HFM1: variants seen among roughly 807,000 people sequenced by gnomAD.
HFM1 encodes probable ATP-dependent DNA helicase HFM1.
HFM1 carries 169 observed loss-of-function variants against 192.1 expected under a neutral mutation model. The ratio of observed to expected loss-of-function variants is 0.88; its 90% CI spans 0.78 to 1.00. HFM1 has a LOEUF of 1.00. HFM1 is among the 50% of genes least tolerant of loss of function. The probability of loss-of-function intolerance (pLI) is 0.00; values close to 1 mark genes in which losing one functional copy is unlikely to be tolerated. For missense variants in HFM1, 1,661 were observed against 1,668.0 expected, an observed-to-expected ratio of 1.00 and a Z score of 0.07; for synonymous variants, 525 against 537.8, an observed-to-expected ratio of 0.98 and a Z score of 0.33.
chr1:91,331,263 A>AATTCAGTAATGTTGCAGGATACAACAC, intron 20 of HFM1, among the ~76,000 whole-genome samples: 1 of 152,364 alleles, frequency 6.6e-6, no homozygotes, highest in Admixed American at 6.5e-5. Flanking sequence ...AGAAATAATA[A>AATTCAGTAATGTTGCAGGATACAACAC]ATTCAGTAAT....
chr1:91,323,464 T>C (rs911321052), intron 21 of HFM1, among the ~76,000 whole-genome samples: 2 of 152,154 alleles, frequency 1.3e-5, no homozygotes, highest in African/African-American at 4.8e-5. Flanking sequence ...ATTAACAAGA[T>C]AGAATTTAAA....
chr1:91,295,872 A>G (rs1032200973), intron 30 of HFM1, among the ~76,000 whole-genome samples: 2 of 152,152 alleles, frequency 1.3e-5, no homozygotes, highest in Admixed American at 1.3e-4. Flanking sequence ...CATTTAAATC[A>G]GTCATCTATT....
rs1308792877 is a variant in HFM1, at chr1:91,262,401, G to T, written c.4087-9C>A. On this transcript the variant is annotated splice_polypyrimidine_tract_variant and intron_variant, in intron 37 of 38. Coordinates refer to ENST00000370425, the MANE Select transcript of HFM1 (RefSeq NM_001017975.6). ...CTTTCTTGAAAATGGACCTACATTT[G>T]AGATAAAAAATAACAATCATTGAAA... 4.4e-6 allele frequency: 7 copies of T among 1,580,916 alleles called. No homozygotes were observed. The Admixed American group carries it at 1.3e-4, about 28-fold the overall frequency.
intron 30 of HFM1, among the ~76,000 whole-genome samples, chr1:91,299,915 G>A (rs1226851402): frequency 1.3e-5 from 2 of 152,102 alleles, no homozygotes; most frequent in Non-Finnish European, 2.9e-5. Context: ...GCTAGCAGAA[G>A]TCAAGAAATA....
intron 30 of HFM1, among the ~76,000 whole-genome samples, chr1:91,309,497 T>C (rs761496179): frequency 1.1e-4 from 16 of 152,348 alleles, no homozygotes; most frequent in Admixed American, 3.3e-4. Flanking sequence ...TTCCAAGTGA[T>C]TTTTAAACAC....
intron 13 of HFM1, among the ~76,000 whole-genome samples, chr1:91,370,304 C>T (rs1303275245): frequency 2.6e-5 from 4 of 152,122 alleles, no homozygotes; most frequent in Admixed American, 2.6e-4. Context: ...GAATTTTAGA[C>T]CAATATCCCT....
chr1:91,386,558 ATTG>A (rs1662238780), intron 4 of HFM1, among the ~76,000 whole-genome samples: 1 of 152,220 alleles, frequency 6.6e-6, no homozygotes, highest in African/African-American at 2.4e-5. Context: ...AATAATGTTC[ATTG>A]TTGTTTTAAA....
chr1:91,379,630 G>A (rs1179136898), intron 8 of HFM1, among the ~76,000 whole-genome samples: 1 of 151,326 alleles, frequency 6.6e-6, no homozygotes, highest in Non-Finnish European at 1.5e-5. Context: ...TAGCCAAAAA[G>A]AACTAAAAAT....
chr1:91,340,781 G>A (rs1293614621), intron 20 of HFM1, among the ~76,000 whole-genome samples: 1 of 152,090 alleles, frequency 6.6e-6, no homozygotes, highest in Non-Finnish European at 1.5e-5. Flanking sequence ...AACAAAAAAA[G>A]CAGGGGTTGC....
chr1:91,359,035 T>C (rs1356411353), intron 13 of HFM1, among the ~76,000 whole-genome samples: 1 of 152,148 alleles, frequency 6.6e-6, no homozygotes, highest in African/African-American at 2.4e-5. Context: ...TAGAGTGGCC[T>C]GTTAAAAGCA....
intron 13 of HFM1, among the ~76,000 whole-genome samples, chr1:91,361,531 T>C (rs1391047968): frequency 6.6e-6 from 1 of 152,040 alleles, no homozygotes; most frequent in African/African-American, 2.4e-5. Flanking sequence ...AGCAGACCAA[T>C]AATGAGTTCT....
intron 4 of HFM1, among the ~76,000 whole-genome samples, chr1:91,392,569 G>A (rs570433929): frequency 6.6e-6 from 1 of 152,228 alleles, no homozygotes; most frequent in African/African-American, 2.4e-5. Context: ...ATACAGGGTG[G>A]GGAACATCAC....
At chr1:91,351,133 A>G (rs567346302) in intron 17 of HFM1, among the ~76,000 whole-genome samples, 2 of 152,098 alleles carry the variant, frequency 1.3e-5, no homozygotes, top group African/African-American at 4.8e-5. Context: ...TACTTTCTCC[A>G]AAAGAGAATA....
At position 91,369,917 on chromosome 1, in the gene HFM1, C is replaced by T. The variant is rs181141896; in HGVS notation, c.1685+5441G>A. Among the ~76,000 whole-genome samples the T allele has an allele frequency of 4.1e-3, 626 of 152,098 alleles. 1 individual carries two copies. Among genetic ancestry groups the T allele is most frequent in the African/African-American group, 0.013 (533 of 41,482 alleles). On this transcript the variant is annotated intron_variant, in intron 13 of 38. Coordinates refer to ENST00000370425, the MANE Select transcript of HFM1 (RefSeq NM_001017975.6). ...AAAATGATAAAGGGGATATAGCCAC[C>T]GATCCCACAGAAATACAAACTACCA...
intron 30 of HFM1, among the ~76,000 whole-genome samples, chr1:91,308,317 A>T (rs1358337065): frequency 3.3e-5 from 5 of 151,884 alleles, no homozygotes; most frequent in South Asian, 4.2e-4. Context: ...TTTTCTACTG[A>T]TATGTCTCAA....
In HFM1 at chr1:91,316,407, G is replaced by A; in HGVS notation, c.2882C>T (p.Ala961Val). ...TATAACTACCAATTCAAGTTCCCTT[G>A]CATCTGTCTCTTCTATTTTTTTAAA... ...TSFKKIEETD[A>V]RELELILNRH... Residue 961 changes from alanine (A) to valine (V), a missense_variant, in exon 26 of 39, where the codon GCA (alanine) becomes GTA (valine). By Grantham distance (64) the Ala-to-Val change is moderately conservative. Transcript: ENST00000370425. 6.4e-7 allele frequency: 1 copy of A among 1,566,622 alleles called. No homozygotes were observed. Among genetic ancestry groups the A allele is most frequent in the Non-Finnish European group, 8.7e-7 (1 of 1,146,918 alleles).
Position 91,378,072 on chromosome 1 carries a change from G to C in HFM1, c.1348C>G (p.Pro450Ala). The C allele has an allele frequency of 1.2e-6, 2 of 1,611,780 alleles. No individual in the cohort carries two copies. The highest frequency in any genetic ancestry group is 1.7e-6 in the Non-Finnish European group (2 of 1,178,438). Residue 450 changes from proline to alanine, a missense_variant, in exon 11 of 39, where the codon CCA becomes GCA. By Grantham distance (27) the Pro-to-Ala change is conservative. Transcript: ENST00000370425. The stretch of plus-strand genomic sequence containing the variant: ...GCAGATACAGCTACAAATCGCATTG[G>C]AATAGCAGTGCTGGTATTTTTTAAA... The part of the protein sequence containing the change: ...QTLKNTSTAI[P>A]MRFVAVSATI...
chr1:91,318,882 A>G (rs1365880929), intron 25 of HFM1, among the ~76,000 whole-genome samples, 196 bp downstream of exon 25: 2 of 152,214 alleles, frequency 1.3e-5, no homozygotes, highest in Non-Finnish European at 2.9e-5. Context: ...CTCATGTATC[A>G]TTCAGTTGAT....
chr1:91,362,030 G>A (rs776928903), intron 13 of HFM1, among the ~76,000 whole-genome samples: 14 of 152,146 alleles, frequency 9.2e-5, no homozygotes, highest in Non-Finnish European at 1.5e-4. Context: ...ACTAGGTATT[G>A]AAGGAACATA....
Sources: allele counts gnomAD v4.1 joint callset (sites outside exome capture counted in the v4.1 genomes callset), GRCh38; gene constraint gnomAD v4.1.1; transcripts MANE v1.5; gene names NCBI Gene and HGNC (gene_info 2026-07-23, HGNC 2026-07-21).